The following RIC8B variants were observed in gnomAD, a reference collection of about 807,000 sequenced individuals.
RIC8B encodes the protein RIC8 guanine nucleotide exchange factor B.
In RIC8B, 16 loss-of-function variants were observed where a neutral mutation model predicts 57.5. That is an observed-to-expected ratio of 0.28 (90% CI 0.19 to 0.42). The LOEUF is 0.42. Ranked by LOEUF, RIC8B falls within the 10% of genes least tolerant of loss-of-function variation. The pLI, the probability that RIC8B is intolerant of heterozygous loss-of-function variation, is 1.00. For missense variants in RIC8B, 481 were observed against 677.0 expected (o/e 0.71, Z 3.21); for synonymous variants, 216 against 250.8 (o/e 0.86, Z 1.31).
At chr12:106,870,386 G>T (rs573228160) in intron 8 of RIC8B, among the ~76,000 whole-genome samples, 1 of 152,030 alleles carries the variant, frequency 6.6e-6, no homozygotes, top group Non-Finnish European at 1.5e-5. Flanking sequence ...TTTCCAGATT[G>T]TAGCCTCTCT....
rs149780305 is a variant in RIC8B, at chr12:106,854,589, G to A, written c.1306+2995G>A. Among the ~76,000 whole-genome samples, 543 of 152,154 alleles carry A rather than the reference G, an allele frequency of 3.6e-3. 4 individuals carry two copies. Among genetic ancestry groups the A allele is most frequent in the African/African-American group, 0.013 (523 of 41,504 alleles). On this transcript the variant is annotated intron_variant, in intron 7 of 9. Coordinates refer to ENST00000392837, the MANE Select transcript of RIC8B (RefSeq NM_001330145.2). ...GGGCAGATCATGAGGTCAGGAGATC[G>A]AGACCATCCTGGCCAACATGGTGAA...
chr12:106,817,715 T>C (rs903624610), intron 3 of RIC8B, among the ~76,000 whole-genome samples: 3 of 151,144 alleles, frequency 2.0e-5, no homozygotes, highest in African/African-American at 7.3e-5. Context: ...GTCCCAGCTA[T>C]TCGGGAGGCT....
intron 4 of RIC8B, among the ~76,000 whole-genome samples, chr12:106,833,861 T>C (rs1415090792): frequency 6.6e-6 from 1 of 152,096 alleles, no homozygotes; most frequent in Non-Finnish European, 1.5e-5. Context: ...GGTGCTGTCC[T>C]CCCCATAACA....
At chr12:106,834,415 T>C (rs1713356925) in intron 4 of RIC8B, among the ~76,000 whole-genome samples, 3 of 152,220 alleles carry the variant, frequency 2.0e-5, no homozygotes, top group Non-Finnish European at 4.4e-5. Flanking sequence ...TAAACCCAGT[T>C]AACTGGGCAT....
chr12:106,821,655 G>T (rs986278767), intron 3 of RIC8B, among the ~76,000 whole-genome samples: 1 of 152,084 alleles, frequency 6.6e-6, no homozygotes, highest in Admixed American at 6.6e-5. Flanking sequence ...TTTCATTAAA[G>T]TGAATTCATC....
chr12:106,866,854 T>C (rs1185175952), intron 8 of RIC8B, among the ~76,000 whole-genome samples: 1 of 152,218 alleles, frequency 6.6e-6, no homozygotes, highest in African/African-American at 2.4e-5. Flanking sequence ...CTGGAAGTTC[T>C]GGTTACATAG....
rs776704517 is a variant in RIC8B at position 106,806,866 on chromosome 12, T to C, written c.133-7830T>C. Among the ~76,000 whole-genome samples the C allele has an allele frequency of 6.2e-4, 95 of 152,300 alleles. 1 individual carries two copies. Among genetic ancestry groups the C allele is most frequent in the Non-Finnish European group, 7.1e-4 (48 of 68,012 alleles). Reference sequence around the variant, plus strand: ...AAATAAAAGAATGCCCTTATTCATATAGAAAGCATAGATAACCCTGATGGC... The same window carrying C: ...AAATAAAAGAATGCCCTTATTCATACAGAAAGCATAGATAACCCTGATGGC... On this transcript the variant is annotated intron_variant, in intron 2 of 9. Transcript: ENST00000392837.
intron 2 of RIC8B, among the ~76,000 whole-genome samples, chr12:106,787,467 G>A (rs1394950427): frequency 6.6e-6 from 1 of 152,114 alleles, no homozygotes; most frequent in Non-Finnish European, 1.5e-5. Context: ...GAAAATAAAA[G>A]GAAGTCACAT....
At chr12:106,818,456 G>A (rs981088389) in intron 3 of RIC8B, among the ~76,000 whole-genome samples, 3 of 151,822 alleles carry the variant, frequency 2.0e-5, no homozygotes, top group Non-Finnish European at 2.9e-5. Flanking sequence ...GAGCCACCGC[G>A]CCCGGCCTCT....
chr12:106,793,163 TC>T (rs1261750617), intron 2 of RIC8B, among the ~76,000 whole-genome samples: 2 of 152,168 alleles, frequency 1.3e-5, no homozygotes, highest in Non-Finnish European at 2.9e-5. Flanking sequence ...GGAACATGGT[TC>T]CACCCCAGGA....
intron 1 of RIC8B, 86 bp from the exon 2 acceptor site, chr12:106,783,911 A>C: frequency 8.4e-7 from 1 of 1,193,228 alleles, no homozygotes; most frequent in South Asian, 1.3e-5. Context: ...TTTTACAGGG[A>C]CATTATTTTA....
At chr12:106,800,014 C>T (rs2044657795) in intron 2 of RIC8B, among the ~76,000 whole-genome samples, 1 of 152,092 alleles carries the variant, frequency 6.6e-6, no homozygotes, top group Non-Finnish European at 1.5e-5. Flanking sequence ...GAGCAGCTGC[C>T]ATGTCACTGT....
chr12:106,817,781 C>T (rs1384355605), intron 3 of RIC8B, among the ~76,000 whole-genome samples: 1 of 149,704 alleles, frequency 6.7e-6, no homozygotes, highest in Non-Finnish European at 1.5e-5. Flanking sequence ...GCGGAGATCG[C>T]GCCACTGCAC....
At position 106,879,362 on chromosome 12, in the gene RIC8B, T is replaced by C; in HGVS notation, c.1572-6542T>C. The stretch of plus-strand genomic sequence containing the variant: ...TTGTGCGATTGGGTATGTTAGTATC[T>C]GAACCCCAATTTTGCACTGTCATTT... On this transcript the variant is annotated intron_variant, in intron 9 of 9. Coordinates refer to ENST00000392837, the MANE Select transcript of RIC8B (RefSeq NM_001330145.2). This position sits in a 1 kb window ranked among gnomAD's most constrained non-coding sequence, Gnocchi z 4.9. The C allele has an allele frequency of 3.0e-6, 3 of 985,360 alleles. No individual in the cohort carries two copies. Among genetic ancestry groups the C allele is most frequent in the Non-Finnish European group, 2.4e-6 (2 of 829,916 alleles). 61.0% of individuals were successfully genotyped at this position (985,360 alleles called of 1,614,324 possible). A position where few individuals can be genotyped will look rare whatever the true frequency, so the allele number is the denominator to read the frequency against.
intron 6 of RIC8B, among the ~76,000 whole-genome samples, chr12:106,850,239 A>C (rs1433457626): frequency 2.0e-5 from 3 of 152,236 alleles, no homozygotes; most frequent in Admixed American, 6.5e-5. Flanking sequence ...GAAACTGGCC[A>C]AGTCCCTGGT....
intron 2 of RIC8B, among the ~76,000 whole-genome samples, chr12:106,800,572 ATAT>A (rs1325186903): frequency 2.0e-5 from 3 of 152,120 alleles, no homozygotes; most frequent in Non-Finnish European, 4.4e-5. Context: ...CCATATATTA[ATAT>A]TATCACATTG....
At chr12:106,804,210 CCTTT>C (rs1353123719) in intron 2 of RIC8B, among the ~76,000 whole-genome samples, 16 of 145,774 alleles carry the variant, frequency 1.1e-4, no homozygotes, top group African/African-American at 1.0e-4. Flanking sequence ...TTTTTTCCTT[CCTTT>C]CTTTCTTTTT....
intron 9 of RIC8B, chr12:106,871,494 AAAAACC>A (rs1950419315): frequency 2.6e-5 from 3 of 116,676 alleles, no homozygotes; most frequent in African/African-American, 6.5e-5. Flanking sequence ...AAAAAAAAAA[AAAAACC>A]AAAAAACTCC....
chr12:106,816,490 T>C (rs2045581555), intron 3 of RIC8B, among the ~76,000 whole-genome samples: 1 of 152,250 alleles, frequency 6.6e-6, no homozygotes, highest in East Asian at 1.9e-4. Flanking sequence ...CATTTATGCA[T>C]TGAAACCAAA....
Sources: gnomAD v4.1 joint callset for allele counts (sites outside exome capture counted in the v4.1 genomes callset) on GRCh38, gnomAD v4.1.1 for gene constraint, Gnocchi (gnomAD v3.1) non-coding constraint, MANE v1.5 for transcripts, NCBI Gene and HGNC (gene_info 2026-07-23, HGNC 2026-07-21) for gene names.